The following PTRH2 variants were observed in gnomAD, a reference collection of about 807,000 sequenced individuals.
The protein encoded by PTRH2 is peptidyl-tRNA hydrolase 2, also known as peptidyl-tRNA hydrolase 2, mitochondrial.
PTRH2 carries 10 observed loss-of-function variants against 12.3 expected under a neutral mutation model. The ratio of observed to expected loss-of-function variants is 0.81; its 90% CI spans 0.50 to 1.38. The LOEUF (loss-of-function observed/expected upper bound fraction) is 1.38, where lower values mean the gene tolerates loss of function less well. PTRH2 is among the 40% of genes most tolerant of loss of function. PTRH2 has a pLI of 0.00. For missense variants in PTRH2, 176 were observed against 214.1 expected (o/e 0.82, Z 1.11); for synonymous variants, 73 against 77.4 (o/e 0.94, Z 0.30).
In PTRH2 at chr17:59,699,097, G is replaced by T. The variant is rs9630734; in HGVS notation, c.1-1119C>A. The T allele has an allele frequency of 3.4e-3, 1,861 of 542,178 alleles. 25 individuals are homozygous for T. The highest frequency in any genetic ancestry group is 0.032 in the African/African-American group (1,682 of 52,382). 33.6% of individuals were successfully genotyped at this position (542,178 alleles called of 1,614,324 possible). The stretch of plus-strand genomic sequence containing the variant: ...ATACCAAGTTTTGACCGTACAGCTT[G>T]TTTCTTCTTTTCACTATATATTTCT... On this transcript the variant is annotated intron_variant, in intron 1 of 1. Transcript: ENST00000393038.
intron 1 of PTRH2, among the ~76,000 whole-genome samples, chr17:59,705,021 C>T (rs2033615635): frequency 6.6e-6 from 1 of 152,146 alleles, no homozygotes; most frequent in African/African-American, 2.4e-5. Flanking sequence ...CTCCTGACCT[C>T]AAGTGATCTG....
intron 1 of PTRH2, among the ~76,000 whole-genome samples, chr17:59,704,168 G>A (rs1322752021): frequency 1.3e-5 from 2 of 152,144 alleles, no homozygotes; most frequent in African/African-American, 4.8e-5. Context: ...TGAGATGATG[G>A]TCATTTAGAC....
chr17:59,704,823 T>C (rs2033611839), intron 1 of PTRH2, among the ~76,000 whole-genome samples: 1 of 152,106 alleles, frequency 6.6e-6, no homozygotes, highest in Non-Finnish European at 1.5e-5. Flanking sequence ...GCATCTCACT[T>C]TGTCACCCAG....
At chr17:59,702,433 G>A (rs185574438) in intron 1 of PTRH2, among the ~76,000 whole-genome samples, 30 of 152,270 alleles carry the variant, frequency 2.0e-4, no homozygotes, top group African/African-American at 6.3e-4. Context: ...CTAATTAGAC[G>A]GAGCTCAGGA....
intron 1 of PTRH2, chr17:59,699,735 G>T (rs926954951): frequency 3.3e-5 from 5 of 153,066 alleles, no homozygotes; most frequent in Admixed American, 2.6e-4. Context: ...CCTTAAGATG[G>T]TTGAAATCGT....
chr17:59,706,769 G>A (rs371072136), intron 1 of PTRH2, among the ~76,000 whole-genome samples: 1 of 151,606 alleles, frequency 6.6e-6, no homozygotes, highest in South Asian at 2.1e-4. Flanking sequence ...CGCCTCCCGA[G>A]TTCAAGTCAT....
intron 1 of PTRH2, chr17:59,698,798 A>G (rs1266963917): frequency 4.3e-6 from 3 of 694,356 alleles, no homozygotes; most frequent in Non-Finnish European, 7.9e-6. Flanking sequence ...AGGCTCTTTT[A>G]TAATAGTGTT....
intron 1 of PTRH2, chr17:59,699,196 T>C: frequency 3.1e-6 from 1 of 317,968 alleles, no homozygotes; most frequent in Non-Finnish European, 6.0e-6. Flanking sequence ...CGTCCATTTC[T>C]TCTAACGTGT....
At chr17:59,699,927 A>G (rs2033525690) in intron 1 of PTRH2, 1 of 152,282 alleles carries the variant, frequency 6.6e-6, no homozygotes, top group South Asian at 2.1e-4. Context: ...AAAACACAAT[A>G]TCCAAAAAAG....
In PTRH2 at chr17:59,701,854, G is replaced by A. The variant is rs190369769; in HGVS notation, c.1-3876C>T. On this transcript the variant is annotated intron_variant, in intron 1 of 1. Coordinates refer to ENST00000393038, the MANE Select transcript of PTRH2 (RefSeq NM_016077.5). ...CCTACAGGCACCCACCATCACACCC[G>A]GCTAATTTTTTTTTTTTTTTTTTGT... Among the ~76,000 whole-genome samples, 61 of 148,946 alleles carry A rather than the reference G, an allele frequency of 4.1e-4. 2 individuals carry two copies. In the East Asian group the frequency reaches 0.01, roughly 25 times the overall value.
chr17:59,702,429 AGACGGAG>A (rs1195352066), intron 1 of PTRH2, among the ~76,000 whole-genome samples: 3 of 152,226 alleles, frequency 2.0e-5, no homozygotes, highest in Non-Finnish European at 4.4e-5. Flanking sequence ...GTCGCTAATT[AGACGGAG>A]CTCAGGAGGT....
Position 59,697,754 on chromosome 17 carries a change from T to TAAGTC in PTRH2, c.220_224dup (p.Lys76ThrfsTer2). The TAAGTC allele has an allele frequency of 6.2e-7, 1 of 1,614,186 alleles. No homozygotes were observed. The highest frequency in any genetic ancestry group is 8.5e-7 in the Non-Finnish European group (1 of 1,180,028). ...CAGCCACTTTCCCTTTTCCCATCTT[T>TAAGTC]AAGTCATTTCGAACCACAAGAATCA... On this transcript the variant is annotated frameshift_variant, in exon 2 of 2. Transcript: ENST00000393038. LOFTEE classifies it high-confidence loss of function.
intron 1 of PTRH2, chr17:59,707,078 G>A (rs1395405128): frequency 6.6e-6 from 1 of 152,200 alleles, no homozygotes; most frequent in Non-Finnish European, 1.5e-5. Context: ...TATGAGGCCT[G>A]CTCGCTATTT....
rs985804677 is a variant in PTRH2 at position 59,697,551 on chromosome 17, A to G, written c.428T>C (p.Ile143Thr). Residue 143 changes from isoleucine to threonine, a missense_variant, in exon 2 of 2, where the codon ATT (isoleucine) becomes ACT (threonine). Coordinates refer to ENST00000393038, the MANE Select transcript of PTRH2 (RefSeq NM_016077.5). The stretch of plus-strand genomic sequence containing the variant: ...AATCTGAGTACGTCCAGCATCTTGA[A>G]TTAAACTTACAGTCAGTCCCAGCAT... ...AKMLGLTVSL[I>T]QDAGRTQIAP... The G allele has an allele frequency of 6.2e-7, 1 of 1,614,206 alleles. No homozygotes were observed. Among genetic ancestry groups the G allele is most frequent in the Non-Finnish European group, 8.5e-7 (1 of 1,180,028 alleles).
intron 1 of PTRH2, chr17:59,700,940 G>A (rs978251929): frequency 6.6e-6 from 1 of 152,186 alleles, no homozygotes; most frequent in African/African-American, 2.4e-5. Flanking sequence ...TAAAAGGTGT[G>A]GCAAAATATG....
Position 59,697,599 on chromosome 17 carries a change from A to T in PTRH2, c.380T>A (p.Ile127Asn), listed in dbSNP as rs765979326. The change falls in exon 2 of 2, where the codon ATT becomes AAT. Residue 127 changes from isoleucine (I) to asparagine (N), a missense_variant. Ile to Asn is a moderately radical substitution (Grantham distance 149). Transcript: ENST00000393038. The stretch of plus-strand genomic sequence containing the variant: ...CATTTTTGCATGGGCCAATAATGCA[A>T]TCAGGGTTTCTTCATCAGGAGCTTT... ...VVKAPDEETLIALLAHAKMLG... is the reference protein window; with the variant it reads ...VVKAPDEETLNALLAHAKMLG... 2 of 1,614,092 alleles carry T rather than the reference A, an allele frequency of 1.2e-6. No homozygotes were observed. Among genetic ancestry groups the T allele is most frequent in the Admixed American group, 1.7e-5 (1 of 60,002 alleles).
At chr17:59,702,226 T>C (rs1325314407) in intron 1 of PTRH2, among the ~76,000 whole-genome samples, 1 of 152,182 alleles carries the variant, frequency 6.6e-6, no homozygotes, top group East Asian at 1.9e-4. Flanking sequence ...CAGCTGTTCA[T>C]AGATAAGTAG....
intron 1 of PTRH2, among the ~76,000 whole-genome samples, chr17:59,704,107 C>T (rs1415651409): frequency 6.6e-6 from 1 of 152,166 alleles, no homozygotes; most frequent in African/African-American, 2.4e-5. Context: ...CATGCCCTGC[C>T]GAGCCCTTGT....
intron 1 of PTRH2, chr17:59,698,192 G>A (rs1287510703): frequency 3.6e-6 from 2 of 554,456 alleles, no homozygotes; most frequent in Non-Finnish European, 6.3e-6. Context: ...AAACAGTTTA[G>A]GTCATTTTGA....
Sources: gnomAD v4.1 joint callset for allele counts (sites outside exome capture counted in the v4.1 genomes callset) on GRCh38, gnomAD v4.1.1 for gene constraint, MANE v1.5 for transcripts, NCBI Gene and HGNC (gene_info 2026-07-23, HGNC 2026-07-21) for gene names.